The following ZC3H13 variants were observed in gnomAD, a reference collection of about 807,000 sequenced individuals.
ZC3H13 encodes the protein zinc finger CCCH domain-containing protein 13.
Under a neutral mutation model 204.1 loss-of-function variants are expected in ZC3H13, and 64 were observed. The ratio of observed to expected loss-of-function variants is 0.31; its 90% CI spans 0.26 to 0.39. The LOEUF (loss-of-function observed/expected upper bound fraction) is 0.39. Ranked by LOEUF, ZC3H13 falls within the 10% of genes least tolerant of loss-of-function variation. ZC3H13 has a pLI of 1.00. For missense variants in ZC3H13, 1,833 were observed against 2,082.7 expected, an observed-to-expected ratio of 0.88 and a Z score of 2.33; for synonymous variants, 667 against 693.7, an observed-to-expected ratio of 0.96 and a Z score of 0.60.
At chr13:46,032,119 C>T (rs778278704) in intron 4 of ZC3H13, among the ~76,000 whole-genome samples, 7 of 152,064 alleles carry the variant, frequency 4.6e-5, no homozygotes, top group African/African-American at 9.7e-5. Flanking sequence ...GGTCACTGAT[C>T]GCAACAAATG....
chr13:45,959,053 TCTTA>T (rs1464843641), intron 18 of ZC3H13, among the ~76,000 whole-genome samples: 3 of 152,200 alleles, frequency 2.0e-5, no homozygotes, highest in Non-Finnish European at 4.4e-5. Context: ...TTTCTATTCC[TCTTA>T]CTTCTCAATC....
chr13:46,035,274 T>G (rs375255390), intron 4 of ZC3H13, among the ~76,000 whole-genome samples: 11 of 152,172 alleles, frequency 7.2e-5, no homozygotes, highest in African/African-American at 2.4e-4. Flanking sequence ...CCTACGTGCT[T>G]CCAGTAGATT....
rs1432251645 is a variant in ZC3H13, at chr13:45,985,417, A to G, written c.1600T>C (p.Leu534=). Residue 534 remains leucine, a synonymous_variant, in exon 10 of 19, where the codon TTG becomes CTG. Transcript: ENST00000679008. ...EESRSYGRNH[L]REESSRTEIR... ...TCCGTACGAGAACTTTCTTCTCTCA[A>G]ATGGTTTCGGCCATAACTCCGGGAT... 2 of 1,614,104 alleles carry G rather than the reference A, an allele frequency of 1.2e-6. No homozygotes were observed. The highest frequency in any genetic ancestry group is 1.7e-6 in the Non-Finnish European group (2 of 1,180,026).
chr13:45,972,022 G>C (rs997315873), intron 12 of ZC3H13, among the ~76,000 whole-genome samples: 4 of 152,058 alleles, frequency 2.6e-5, no homozygotes, highest in African/African-American at 9.7e-5. Flanking sequence ...CATAGACATG[G>C]TGAAAAGGGA....
At chr13:45,978,988 C>A (rs1593512081) in intron 11 of ZC3H13, among the ~76,000 whole-genome samples, 1 of 152,038 alleles carries the variant, frequency 6.6e-6, no homozygotes, top group African/African-American at 2.4e-5. Context: ...CACTACTAAC[C>A]AATCAAGATA....
chr13:46,038,052 G>T (rs1422699679), intron 4 of ZC3H13, among the ~76,000 whole-genome samples: 2 of 152,076 alleles, frequency 1.3e-5, no homozygotes, highest in Non-Finnish European at 2.9e-5. Flanking sequence ...CTAGTTCCAG[G>T]GTCTGGAGGT....
At position 46,020,563 on chromosome 13, in the gene ZC3H13, A is replaced by G. The variant is rs1348687890; in HGVS notation, c.340-6T>C. 1.3e-6 allele frequency: 2 copies of G among 1,568,708 alleles called. No homozygotes were observed. The highest frequency in any genetic ancestry group is 1.4e-5 in the African/African-American group (1 of 72,756). On this transcript the variant is annotated splice_region_variant and splice_polypyrimidine_tract_variant and intron_variant, in intron 4 of 18. Coordinates refer to ENST00000679008, the MANE Select transcript of ZC3H13 (RefSeq NM_001330564.2). ...CTCCCTCTTGAAGATTCTTTCTAAA[A>G]AAGTACATACATACATTCAGATTAC...
intron 8 of ZC3H13, among the ~76,000 whole-genome samples, chr13:46,002,584 A>C (rs1007816160): frequency 3.9e-5 from 6 of 152,216 alleles, no homozygotes; most frequent in Non-Finnish European, 8.8e-5. Flanking sequence ...AATATTATTC[A>C]GCCTTAAAAA....
In ZC3H13 at chr13:45,967,493, G is replaced by A. The variant is rs1189455922; in HGVS notation, c.4321+11C>T. On this transcript the variant is annotated intron_variant, in intron 15 of 18. Coordinates refer to ENST00000679008, the MANE Select transcript of ZC3H13 (RefSeq NM_001330564.2). ...TAAAGCAGTATCACAGACAACAGAGGTAGCACTCACCTTCCAGACTCTCAG... is the reference window on the plus strand; with the variant it reads ...TAAAGCAGTATCACAGACAACAGAGATAGCACTCACCTTCCAGACTCTCAG... 6 of 1,533,292 alleles carry A rather than the reference G, an allele frequency of 3.9e-6. No individual in the cohort carries two copies. Among genetic ancestry groups the A allele is most frequent in the Non-Finnish European group, 4.4e-6 (5 of 1,145,416 alleles). The allele number at this position is 1,533,292 out of a possible 1,614,324, so 95.0% of individuals were successfully genotyped here.
At chr13:46,020,829 G>A (rs2042177352) in intron 4 of ZC3H13, among the ~76,000 whole-genome samples, 2 of 151,756 alleles carry the variant, frequency 1.3e-5, no homozygotes, top group South Asian at 2.1e-4. Context: ...TTTTACTAAA[G>A]AACAAAAACT....
At chr13:45,982,003 A>C (rs971580988) in intron 10 of ZC3H13, among the ~76,000 whole-genome samples, 1 of 151,384 alleles carries the variant, frequency 6.6e-6, no homozygotes, top group Non-Finnish European at 1.5e-5. Context: ...ATGTACCCTA[A>C]AACTTAAAGT....
chr13:45,965,544 TC>T, intron 15 of ZC3H13, 112 bp from the exon 16 acceptor site: 1 of 993,178 alleles, frequency 1.0e-6, no homozygotes, highest in African/African-American at 1.7e-5. Flanking sequence ...AAACATCTTT[TC>T]ATCAGAAAAC....
chr13:46,029,344 T>C (rs951541029), intron 4 of ZC3H13, among the ~76,000 whole-genome samples: 2 of 152,000 alleles, frequency 1.3e-5, no homozygotes, highest in African/African-American at 2.4e-5. Flanking sequence ...AGATGGTTTA[T>C]AGGTAAAGTC....
At chr13:45,985,871 G>C in intron 9 of ZC3H13, 110 bp from the exon 10 acceptor site, 1 of 989,158 alleles carries the variant, frequency 1.0e-6, no homozygotes, top group Non-Finnish European at 1.4e-6. Flanking sequence ...GACAATTCGT[G>C]TTCTTTGCAA....
chr13:45,974,468 C>T (rs1372149585), intron 12 of ZC3H13, among the ~76,000 whole-genome samples: 1 of 152,178 alleles, frequency 6.6e-6, no homozygotes, highest in Non-Finnish European at 1.5e-5. Flanking sequence ...AAAAGCTAAT[C>T]TCCAACTTCC....
chr13:46,052,303 A>C (rs1254409941), intron 1 of ZC3H13, 101 bp downstream of exon 1: 4 of 378,860 alleles, frequency 1.1e-5, no homozygotes, highest in Non-Finnish European at 1.9e-5. Flanking sequence ...TCAAAATCCC[A>C]GTGACTCAAG....
intron 4 of ZC3H13, among the ~76,000 whole-genome samples, chr13:46,029,963 T>C (rs2042790840): frequency 6.6e-6 from 1 of 152,164 alleles, no homozygotes; most frequent in South Asian, 2.1e-4. Flanking sequence ...GTTATGCAAA[T>C]TAGATATAAT....
intron 5 of ZC3H13, among the ~76,000 whole-genome samples, chr13:46,017,510 T>G (rs1247114455): frequency 6.7e-6 from 1 of 148,602 alleles, no homozygotes; most frequent in Non-Finnish European, 1.5e-5. Flanking sequence ...TTTTTTGCTT[T>G]GCAAAATAGT....
chr13:45,979,843 C>G lies in ZC3H13; in HGVS notation c.1882G>C (p.Glu628Gln). The change falls in exon 11 of 19, where the codon GAG becomes CAG. Residue 628 changes from glutamate to glutamine, a missense_variant. Around this residue, in one of 5 missense-constraint regions of ZC3H13, gnomAD observed 1,574 missense variants for 1,757.2 expected, o/e 0.90. Coordinates refer to ENST00000679008, the MANE Select transcript of ZC3H13 (RefSeq NM_001330564.2). ...RDSSFERRHG[E>Q]RDRRDNRERD... Reference sequence around the variant, plus strand: ...TCTCTGTTGTCACGACGGTCTCGCTCTCCATGTCTTCTCTCAAAGGAAGAA... The same window carrying G: ...TCTCTGTTGTCACGACGGTCTCGCTGTCCATGTCTTCTCTCAAAGGAAGAA... 6.2e-7 allele frequency: 1 copy of G among 1,600,364 alleles called. No individual in the cohort carries two copies. Among genetic ancestry groups the G allele is most frequent in the Non-Finnish European group, 8.5e-7 (1 of 1,174,274 alleles).
Sources: allele counts gnomAD v4.1 joint callset (sites outside exome capture counted in the v4.1 genomes callset), GRCh38; gene constraint gnomAD v4.1.1; regional missense constraint gnomAD v4.1.1; transcripts MANE v1.5; gene names NCBI Gene and HGNC (gene_info 2026-07-23, HGNC 2026-07-21).